Variants in CDC42SE2 observed in about 807,000 individuals in gnomAD.
The protein encoded by CDC42SE2 is CDC42 small effector protein 2.
CDC42SE2 carries 3 observed loss-of-function variants against 11.5 expected under a neutral mutation model. The observed-to-expected ratio is 0.26, with a 90% CI of 0.12 to 0.67. CDC42SE2 has a LOEUF of 0.67. CDC42SE2 is among the 30% of genes least tolerant of loss of function. The pLI is 0.80. For missense variants in CDC42SE2, 82 were observed against 106.8 expected (o/e 0.77, Z 1.02); for synonymous variants, 33 against 34.8 (o/e 0.95, Z 0.18).
upstream of CDC42SE2, among the ~76,000 whole-genome samples, chr5:131,259,830 G>C (rs1161973990): frequency 6.6e-6 from 1 of 152,238 alleles, no homozygotes; most frequent in Non-Finnish European, 1.5e-5. Flanking sequence ...TGTTAAGTTT[G>C]AGCCTTATTT....
chr5:131,241,334 A>G (rs1756539526), upstream of CDC42SE2, among the ~76,000 whole-genome samples: 2 of 152,140 alleles, frequency 1.3e-5, no homozygotes, highest in Admixed American at 1.3e-4. Flanking sequence ...AGCTGTCATA[A>G]TAATTTATTA....
At position 131,342,816 on chromosome 5, in the gene CDC42SE2, G is replaced by A. The variant is rs571740402; in HGVS notation, c.-285-16393G>A. Among the ~76,000 whole-genome samples, 15 of 152,186 alleles carry A rather than the reference G, an allele frequency of 9.9e-5. No homozygotes were observed. The South Asian group carries it at 3.1e-3, about 32-fold the overall frequency. ...CAACCTCCGCCTACTGGGTTCAAGTGATTCTTGTGCCTCAGCTTCCCAAGT... is the reference window on the plus strand; with the variant it reads ...CAACCTCCGCCTACTGGGTTCAAGTAATTCTTGTGCCTCAGCTTCCCAAGT... On this transcript the variant is annotated intron_variant, in intron 2 of 4. Transcript: ENST00000505065.
chr5:131,293,657 A>G (rs905625802), intron 1 of CDC42SE2, among the ~76,000 whole-genome samples: 1 of 151,970 alleles, frequency 6.6e-6, no homozygotes, highest in Non-Finnish European at 1.5e-5. Flanking sequence ...TTCCACAACT[A>G]TGAGAAACAA....
At chr5:131,288,088 G>GTAAA (rs1757378743) in intron 1 of CDC42SE2, among the ~76,000 whole-genome samples, 1 of 151,834 alleles carries the variant, frequency 6.6e-6, no homozygotes, top group South Asian at 2.1e-4. Context: ...TATCAAAAAA[G>GTAAA]TAAATAAATA....
At chr5:131,291,326 G>A (rs2149709289) in intron 1 of CDC42SE2, among the ~76,000 whole-genome samples, 1 of 152,164 alleles carries the variant, frequency 6.6e-6, no homozygotes, top group Admixed American at 6.5e-5. Flanking sequence ...ACAAAACACA[G>A]GTTCCTGGGA....
At chr5:131,283,562 C>T (rs931261048) in intron 1 of CDC42SE2, among the ~76,000 whole-genome samples, 8 of 149,360 alleles carry the variant, frequency 5.4e-5, no homozygotes, top group Admixed American at 3.3e-4. Flanking sequence ...GGTGTGATCT[C>T]GGCCCACTGC....
the CDC42SE2 span, among the ~76,000 whole-genome samples, chr5:131,226,902 C>T: frequency 6.6e-6 from 1 of 152,194 alleles, no homozygotes; most frequent in Non-Finnish European, 1.5e-5. Flanking sequence ...TAAATGCTCT[C>T]ACTGGTTTGC....
At chr5:131,327,601 T>C (rs923670561) in intron 2 of CDC42SE2, among the ~76,000 whole-genome samples, 2 of 152,192 alleles carry the variant, frequency 1.3e-5, no homozygotes, top group African/African-American at 4.8e-5. Context: ...TTCAAAACTT[T>C]TAAAATACAG....
At chr5:131,293,635 G>A (rs1757509941) in intron 1 of CDC42SE2, among the ~76,000 whole-genome samples, 1 of 151,476 alleles carries the variant, frequency 6.6e-6, no homozygotes, top group African/African-American at 2.4e-5. Flanking sequence ...CCTTGATCTT[G>A]GACTTCCCAG....
intron 1 of CDC42SE2, among the ~76,000 whole-genome samples, chr5:131,265,349 C>T (rs1756837746): frequency 6.6e-6 from 1 of 151,938 alleles, no homozygotes; most frequent in Non-Finnish European, 1.5e-5. Context: ...ATTTTGAAAC[C>T]CAGCTTTCTG....
chr5:131,230,943 A>T, the CDC42SE2 span, among the ~76,000 whole-genome samples: 3 of 152,200 alleles, frequency 2.0e-5, 1 homozygote, highest in South Asian at 4.1e-4. Context: ...TGATCATGAT[A>T]CATCTATAAA....
At chr5:131,344,487 A>T (rs1758792027) in intron 2 of CDC42SE2, among the ~76,000 whole-genome samples, 3 of 152,200 alleles carry the variant, frequency 2.0e-5, no homozygotes, top group Admixed American at 2.0e-4. Context: ...TGAGTAGGTA[A>T]AAAGAGCGGC....
intron 2 of CDC42SE2, among the ~76,000 whole-genome samples, chr5:131,353,362 A>G (rs543213616): frequency 6.6e-6 from 1 of 151,632 alleles, no homozygotes; most frequent in Admixed American, 6.6e-5. Flanking sequence ...GCTCACTGCA[A>G]TCTCCACCTC....
intron 1 of CDC42SE2, among the ~76,000 whole-genome samples, chr5:131,277,548 C>T (rs895808629): frequency 1.3e-5 from 2 of 152,170 alleles, no homozygotes; most frequent in African/African-American, 2.4e-5. Context: ...ACAAACTCAA[C>T]AGTCTGTACA....
chr5:131,276,188 T>G (rs965880173), intron 1 of CDC42SE2, among the ~76,000 whole-genome samples: 5 of 150,850 alleles, frequency 3.3e-5, no homozygotes, highest in Non-Finnish European at 5.9e-5. Flanking sequence ...AGGCTAAGTC[T>G]GTAGTCCCAG....
chr5:131,288,848 A>G (rs186893414), intron 1 of CDC42SE2, among the ~76,000 whole-genome samples: 2 of 152,198 alleles, frequency 1.3e-5, no homozygotes, highest in Non-Finnish European at 2.9e-5. Context: ...GGAGCAAGGA[A>G]TGAGGCTTTG....
intron 1 of CDC42SE2, among the ~76,000 whole-genome samples, chr5:131,299,827 A>G (rs1016818663): frequency 1.4e-4 from 21 of 152,322 alleles, no homozygotes; most frequent in African/African-American, 5.1e-4. Context: ...CTTAAGAACT[A>G]TTAATGTAAT....
intron 4 of CDC42SE2, among the ~76,000 whole-genome samples, chr5:131,390,294 A>G (rs946552578): frequency 1.3e-5 from 2 of 152,152 alleles, no homozygotes; most frequent in Admixed American, 1.3e-4. Flanking sequence ...AATTTTATTC[A>G]TGCTTATTTT....
Position 131,359,338 on chromosome 5 carries a change from G to A in CDC42SE2, c.-156G>A. Reference sequence around the variant, plus strand: ...AATTTTTCTTTATTAAATCGACTGTGTAAGATACTTGACTTCCAGGAACAA... The same window carrying A: ...AATTTTTCTTTATTAAATCGACTGTATAAGATACTTGACTTCCAGGAACAA... On this transcript the variant is annotated 5_prime_UTR_variant, in exon 3 of 5. Transcript: ENST00000505065. The A allele has an allele frequency of 1.4e-6, 1 of 705,214 alleles. No individual in the cohort carries two copies. Among genetic ancestry groups the A allele is most frequent in the Non-Finnish European group, 2.6e-6 (1 of 384,402 alleles). The allele number at this position is 705,214 out of a possible 1,614,324, so 43.7% of individuals were successfully genotyped here.
Sources: gnomAD v4.1 joint callset for allele counts (sites outside exome capture counted in the v4.1 genomes callset) on GRCh38, gnomAD v4.1.1 for gene constraint, MANE v1.5 for transcripts, NCBI Gene and HGNC (gene_info 2026-07-23, HGNC 2026-07-21) for gene names.